WASF3: variants seen among roughly 807,000 people sequenced by gnomAD.
The protein encoded by WASF3 is WASP family member 3.
A neutral mutation model predicts 46.6 loss-of-function variants in WASF3; 11 were observed. The ratio of observed to expected loss-of-function variants is 0.24; its 90% CI spans 0.15 to 0.39. WASF3 has a LOEUF of 0.39. Ranked by LOEUF, WASF3 falls within the 10% of genes least tolerant of loss-of-function variation. The probability of loss-of-function intolerance (pLI) is 1.00; values close to 1 mark genes in which losing one functional copy is unlikely to be tolerated. For synonymous variants in WASF3, 242 were observed against 259.7 expected, an observed-to-expected ratio of 0.93 and a Z score of 0.65; for missense variants, 576 against 669.8, an observed-to-expected ratio of 0.86 and a Z score of 1.55.
Position 26,682,349 on chromosome 13 carries a change from C to A in WASF3, c.984-258C>A, listed in dbSNP as rs1332049121. On this transcript the variant is annotated intron_variant, in intron 8 of 9. Coordinates refer to ENST00000335327, the MANE Select transcript of WASF3 (RefSeq NM_006646.6). This position sits in a 1 kb window ranked among gnomAD's most constrained non-coding sequence, Gnocchi z 4.4. Reference sequence around the variant, plus strand: ...CAGTCAGCTGCTTTATTCTGCCTTTCTTCAGGAAGTGCTGCACTTTTTGAG... The same window carrying A: ...CAGTCAGCTGCTTTATTCTGCCTTTATTCAGGAAGTGCTGCACTTTTTGAG... Among the ~76,000 whole-genome samples, 1 of 152,234 alleles carries A rather than the reference C, an allele frequency of 6.6e-6. No homozygotes were observed. The highest frequency in any genetic ancestry group is 1.5e-5 in the Non-Finnish European group (1 of 68,038).
At chr13:26,668,919 G>C (rs1479405447) in intron 5 of WASF3, among the ~76,000 whole-genome samples, 2 of 151,968 alleles carry the variant, frequency 1.3e-5, no homozygotes, top group African/African-American at 4.8e-5. Flanking sequence ...CATTTTCCTG[G>C]GGCAGTTTCA....
At chr13:26,604,087 G>A (rs887107750) in intron 1 of WASF3, among the ~76,000 whole-genome samples, 3 of 152,178 alleles carry the variant, frequency 2.0e-5, no homozygotes, top group African/African-American at 7.2e-5. Flanking sequence ...TAAACCTTGG[G>A]ACTTAGGTGA....
At chr13:26,639,592 G>A (rs1250158501) in intron 2 of WASF3, 2 of 152,146 alleles carry the variant, frequency 1.3e-5, no homozygotes, top group Non-Finnish European at 2.9e-5. Flanking sequence ...AGTTTGCTTG[G>A]GATGGTTAAT....
chr13:26,547,371 C>T, the WASF3 span, among the ~76,000 whole-genome samples: 2 of 147,444 alleles, frequency 1.4e-5, no homozygotes, highest in Non-Finnish European at 3.0e-5. Flanking sequence ...TGTATAACTC[C>T]ACACTTTTCT....
chr13:26,579,175 G>GT lies in WASF3; in HGVS notation c.-109+21365dup, dbSNP rs927966539. Among the ~76,000 whole-genome samples the GT allele has an allele frequency of 9.5e-4, 142 of 149,068 alleles. 2 individuals carry two copies. Among genetic ancestry groups the GT allele is most frequent in the African/African-American group, 3.3e-3 (135 of 40,498 alleles). On this transcript the variant is annotated intron_variant, in intron 1 of 9. Coordinates refer to ENST00000335327, the MANE Select transcript of WASF3 (RefSeq NM_006646.6). ...CCACTAGGACCAGCGAATTTTTTAA[G>GT]TTTTTTTTTAAAGATGGGGTCTCAC...
At chr13:26,653,810 T>C (rs1357831793) in intron 3 of WASF3, among the ~76,000 whole-genome samples, 2 of 152,234 alleles carry the variant, frequency 1.3e-5, no homozygotes, top group Non-Finnish European at 2.9e-5. Flanking sequence ...GTTTCAAACT[T>C]ATATACAACT....
At chr13:26,647,088 C>T (rs981657430) in intron 3 of WASF3, among the ~76,000 whole-genome samples, 3 of 152,104 alleles carry the variant, frequency 2.0e-5, no homozygotes, top group Non-Finnish European at 2.9e-5. Context: ...ATTTTGTCAC[C>T]GTTAAATTTT....
intron 1 of WASF3, among the ~76,000 whole-genome samples, chr13:26,590,468 C>G (rs1288752442): frequency 6.6e-6 from 1 of 152,106 alleles, no homozygotes; most frequent in East Asian, 1.9e-4. Context: ...AATGTCTTTA[C>G]TCCTACAGAT....
At chr13:26,583,523 G>A (rs907324952) in intron 1 of WASF3, among the ~76,000 whole-genome samples, 1 of 152,186 alleles carries the variant, frequency 6.6e-6, no homozygotes, top group Non-Finnish European at 1.5e-5. Flanking sequence ...TTAAGCCCAA[G>A]TAGGAGTTAT....
At position 26,600,814 on chromosome 13, in the gene WASF3, A is replaced by G. The variant is rs545591983; in HGVS notation, c.-108-12147A>G. ...AGAAACACTGTCGCAGCACTGTAGA[A>G]TGTTAATGTCTCTTCCCTACACACC... On this transcript the variant is annotated intron_variant, in intron 1 of 9. Coordinates refer to ENST00000335327, the MANE Select transcript of WASF3 (RefSeq NM_006646.6). Among the ~76,000 whole-genome samples the G allele has an allele frequency of 5.3e-5, 8 of 152,204 alleles. No homozygotes were observed. In the East Asian group the frequency reaches 1.2e-3, roughly 22 times the overall value.
chr13:26,554,060 C>T (rs1406862969), upstream of WASF3, among the ~76,000 whole-genome samples: 89 of 79,118 alleles, frequency 1.1e-3, 6 homozygotes, highest in East Asian at 2.3e-3. Flanking sequence ...TCCTTCCTTC[C>T]TTCCTTCCTT....
chr13:26,573,271 G>A (rs1415017091), intron 1 of WASF3, among the ~76,000 whole-genome samples: 1 of 152,028 alleles, frequency 6.6e-6, no homozygotes, highest in African/African-American at 2.4e-5. Context: ...GGTGTACAGA[G>A]TACTTTCCTG....
intron 2 of WASF3, among the ~76,000 whole-genome samples, chr13:26,613,939 A>G (rs1435505665): frequency 6.6e-6 from 1 of 152,228 alleles, no homozygotes; most frequent in Non-Finnish European, 1.5e-5. Flanking sequence ...GCAATGAGAC[A>G]TAGCAGACTA....
rs1197787636 is a variant in WASF3 at position 26,681,131 on chromosome 13, C to T, written c.794C>T (p.Pro265Leu). The change falls in exon 8 of 10, where the codon CCT becomes CTT. Residue 265 changes from proline to leucine, a missense_variant. Physicochemically the swap from Pro to Leu is moderately conservative, Grantham distance 98. This residue lies in a region of WASF3 where 295 missense variants were observed against 291.5 expected (regional missense o/e 1.01). Transcript: ENST00000335327. ...NHSLHPQPVT[P>L]SYAAGDVPPH... The stretch of plus-strand genomic sequence containing the variant: ...TCTCTGCACCCCCAGCCTGTGACCC[C>T]TTCCTATGCAGCTGGTGACGTGCCA... 9.9e-6 allele frequency: 16 copies of T among 1,614,208 alleles called. No individual in the cohort carries two copies. The highest frequency in any genetic ancestry group is 1.4e-5 in the Non-Finnish European group (16 of 1,180,028).
At chr13:26,569,785 A>G (rs1034482514) in intron 1 of WASF3, among the ~76,000 whole-genome samples, 2 of 152,210 alleles carry the variant, frequency 1.3e-5, no homozygotes, top group African/African-American at 2.4e-5. Context: ...AAGATTGATG[A>G]TATCAATCAA....
chr13:26,639,044 G>A (rs59429368), intron 2 of WASF3, among the ~76,000 whole-genome samples: 9,393 of 152,212 alleles, frequency 0.062, 779 homozygotes, highest in African/African-American at 0.18. Flanking sequence ...AGGTGCAGGT[G>A]CCCAGAATCA....
intron 3 of WASF3, among the ~76,000 whole-genome samples, chr13:26,657,595 G>T (rs1041500255): frequency 2.0e-5 from 3 of 152,150 alleles, no homozygotes; most frequent in African/African-American, 4.8e-5. Flanking sequence ...AGTTAACAGA[G>T]GCATTTATCT....
intron 1 of WASF3, among the ~76,000 whole-genome samples, chr13:26,580,484 A>G (rs975318804): frequency 3.3e-5 from 5 of 152,174 alleles, no homozygotes; most frequent in African/African-American, 9.7e-5. Context: ...TGTAGGTCCA[A>G]TTAGCATTCA....
chr13:26,646,001 GA>G (rs773695255), intron 3 of WASF3, among the ~76,000 whole-genome samples: 6 of 152,164 alleles, frequency 3.9e-5, no homozygotes, highest in Non-Finnish European at 8.8e-5. Flanking sequence ...AAGTACAGGG[GA>G]CAGCAAATAA....
Sources: allele counts gnomAD v4.1 joint callset (sites outside exome capture counted in the v4.1 genomes callset), GRCh38; gene constraint gnomAD v4.1.1; regional missense constraint gnomAD v4.1.1; non-coding constraint Gnocchi (gnomAD v3.1); transcripts MANE v1.5; gene names NCBI Gene and HGNC (gene_info 2026-07-23, HGNC 2026-07-21).